The following RUNX2 variants were observed in gnomAD, a reference collection of about 807,000 sequenced individuals.
RUNX2 encodes runt-related transcription factor 2.
RUNX2 carries 10 observed loss-of-function variants against 51.7 expected under a neutral mutation model. That is an observed-to-expected ratio of 0.19 (90% CI 0.12 to 0.33). The LOEUF (loss-of-function observed/expected upper bound fraction) is 0.33. Among genes scored for constraint, RUNX2 ranks in the 10% least tolerant of loss-of-function variants. RUNX2 has a pLI of 1.00. For missense variants in RUNX2, 562 were observed against 691.3 expected (o/e 0.81, Z 2.10); for synonymous variants, 276 against 273.6 (o/e 1.01, Z -0.09).
chr6:45,373,061 C>G (rs1017914073), intron 2 of RUNX2, among the ~76,000 whole-genome samples: 20 of 152,120 alleles, frequency 1.3e-4, no homozygotes, highest in Non-Finnish European at 2.4e-4. Flanking sequence ...CCTGCCTCGG[C>G]CTCCCAAAGT....
chr6:45,328,872 A>C (rs1390839864), intron 2 of RUNX2, 88 bp downstream of exon 2: 1 of 1,345,654 alleles, frequency 7.4e-7, no homozygotes, highest in African/African-American at 1.4e-5. Flanking sequence ...AGCTTTTCCA[A>C]ATAGCATATT....
At chr6:45,437,345 G>A (rs1222889284) in intron 4 of RUNX2, among the ~76,000 whole-genome samples, 1 of 152,120 alleles carries the variant, frequency 6.6e-6, no homozygotes, top group African/African-American at 2.4e-5. Context: ...GGACAGGGAG[G>A]AGAAAAACTT....
At chr6:45,483,318 A>G (rs376609322) in intron 5 of RUNX2, among the ~76,000 whole-genome samples, 10 of 151,476 alleles carry the variant, frequency 6.6e-5, no homozygotes, top group African/African-American at 2.4e-4. Context: ...AGACTCATCA[A>G]TTTTACTGTG....
chr6:45,502,347 T>G (rs1800821683), intron 6 of RUNX2, among the ~76,000 whole-genome samples: 1 of 152,200 alleles, frequency 6.6e-6, no homozygotes. Context: ...GGTTCGGTAA[T>G]TTTCCTTTCT....
chr6:45,405,909 T>C (rs1358960453), intron 2 of RUNX2, among the ~76,000 whole-genome samples: 1 of 152,196 alleles, frequency 6.6e-6, no homozygotes. Flanking sequence ...TTTGATGAGA[T>C]ACCACCCTGT....
At chr6:45,341,246 A>G (rs1332860707) in intron 2 of RUNX2, among the ~76,000 whole-genome samples, 9 of 152,180 alleles carry the variant, frequency 5.9e-5, no homozygotes, top group Non-Finnish European at 1.3e-4. Context: ...ATGAGATTAT[A>G]TTTTTCAGTC....
chr6:45,341,783 T>C (rs1234845258), intron 2 of RUNX2, among the ~76,000 whole-genome samples: 1 of 152,158 alleles, frequency 6.6e-6, no homozygotes, highest in Non-Finnish European at 1.5e-5. Flanking sequence ...GGCAAGAAGT[T>C]AGAAAAAGAT....
intron 3 of RUNX2, among the ~76,000 whole-genome samples, chr6:45,423,909 G>C (rs981075019): frequency 2.0e-5 from 3 of 152,270 alleles, no homozygotes; most frequent in Admixed American, 6.5e-5. Context: ...GCCTCGCCCC[G>C]CCAGGGAGGG....
intron 6 of RUNX2, among the ~76,000 whole-genome samples, chr6:45,505,099 C>T (rs1298121205): frequency 3.3e-5 from 5 of 152,160 alleles, no homozygotes; most frequent in African/African-American, 7.2e-5. Flanking sequence ...TGTTTCCTCC[C>T]GTCTGCATCA....
At chr6:45,461,183 T>TGTAAAA (rs1179374896) in intron 5 of RUNX2, among the ~76,000 whole-genome samples, 4 of 152,170 alleles carry the variant, frequency 2.6e-5, no homozygotes, top group Admixed American at 2.0e-4. Context: ...GATGCAGGGC[T>TGTAAAA]GTAAAAGCTA....
intron 2 of RUNX2, among the ~76,000 whole-genome samples, chr6:45,358,112 A>G (rs1362725980): frequency 3.9e-5 from 6 of 152,156 alleles, no homozygotes; most frequent in African/African-American, 1.2e-4. Context: ...AAAGTAATCA[A>G]TGACCGTGTT....
chr6:45,500,716 G>T (rs887376750), intron 6 of RUNX2, among the ~76,000 whole-genome samples: 3 of 152,222 alleles, frequency 2.0e-5, no homozygotes, highest in Non-Finnish European at 4.4e-5. Flanking sequence ...CCCAGCTGAA[G>T]GTAGAGGTCA....
At chr6:45,530,320 A>G (rs980660078) in intron 7 of RUNX2, among the ~76,000 whole-genome samples, 1 of 152,252 alleles carries the variant, frequency 6.6e-6, no homozygotes, top group Non-Finnish European at 1.5e-5. Flanking sequence ...AAATCAAATA[A>G]GCAGTACCAC....
chr6:45,549,291 C>T lies in RUNX2; in HGVS notation c.*1986C>T, dbSNP rs1802496427. 6 of 398,460 alleles carry T rather than the reference C, an allele frequency of 1.5e-5. No individual in the cohort carries two copies. Among genetic ancestry groups the T allele is most frequent in the African/African-American group, 6.2e-5 (3 of 48,622 alleles). 24.7% of individuals were successfully genotyped at this position (398,460 alleles called of 1,614,324 possible). A position where few individuals can be genotyped will look rare whatever the true frequency, so the allele number is the denominator to read the frequency against. On this transcript the variant is annotated 3_prime_UTR_variant, in exon 9 of 9. Transcript: ENST00000647337. ...GAGATTTGCCTTCAAACCCTAACGG[C>T]CCCCTTGTTCTCTGGTCCTTCTCAA...
intron 5 of RUNX2, among the ~76,000 whole-genome samples, chr6:45,490,649 C>A (rs187947909): frequency 5.9e-5 from 9 of 152,276 alleles, no homozygotes; most frequent in Admixed American, 1.3e-4. Flanking sequence ...AAGGCGTTTG[C>A]GCTACCCATA....
intron 2 of RUNX2, among the ~76,000 whole-genome samples, chr6:45,361,979 A>G (rs1794340825): frequency 6.6e-6 from 1 of 152,164 alleles, no homozygotes; most frequent in Non-Finnish European, 1.5e-5. Flanking sequence ...TGAGGCCGGG[A>G]GGCAGAGTTT....
chr6:45,372,282 C>T (rs115707308), intron 2 of RUNX2, among the ~76,000 whole-genome samples: 214 of 152,250 alleles, frequency 1.4e-3, no homozygotes, highest in African/African-American at 4.9e-3. Context: ...AAATAACATA[C>T]GTAAAGCCCT....
intron 7 of RUNX2, among the ~76,000 whole-genome samples, chr6:45,535,112 G>A (rs745592411): frequency 1.3e-5 from 2 of 152,092 alleles, no homozygotes; most frequent in Non-Finnish European, 2.9e-5. Flanking sequence ...CTGGGAGGAG[G>A]GAGAGGATCA....
chr6:45,485,727 A>ATATATATATATATATATATAT (rs1418614904), intron 5 of RUNX2, among the ~76,000 whole-genome samples: 1 of 146,376 alleles, frequency 6.8e-6, no homozygotes, highest in Non-Finnish European at 1.5e-5. Context: ...ACACATATTT[A>ATATATATATATATATATATAT]GCATCATCTT....
Sources: gnomAD v4.1 joint callset for allele counts (sites outside exome capture counted in the v4.1 genomes callset) on GRCh38, gnomAD v4.1.1 for gene constraint, MANE v1.5 for transcripts, NCBI Gene and HGNC (gene_info 2026-07-23, HGNC 2026-07-21) for gene names.